Variants in CTDSPL observed in about 807,000 individuals in gnomAD.
CTDSPL encodes the protein CTD small phosphatase like, also known as CTD small phosphatase-like protein.
A neutral mutation model predicts 30.5 loss-of-function variants in CTDSPL; 8 were observed. That is an observed-to-expected ratio of 0.26 (90% confidence interval 0.15 to 0.47). The LOEUF (loss-of-function observed/expected upper bound fraction) is 0.47. CTDSPL is among the 20% of genes least tolerant of loss of function. CTDSPL has a pLI of 0.99. For missense variants in CTDSPL, 248 were observed against 366.1 expected, an observed-to-expected ratio of 0.68 and a Z score of 2.63; for synonymous variants, 110 against 137.9, an observed-to-expected ratio of 0.80 and a Z score of 1.42.
intron 1 of CTDSPL, among the ~76,000 whole-genome samples, chr3:37,881,623 G>A (rs1698205162): frequency 6.6e-6 from 1 of 152,080 alleles, no homozygotes; most frequent in Non-Finnish European, 1.5e-5. Context: ...CTACTAACAT[G>A]GCTAAAACTA....
chr3:37,956,845 G>A (rs145519634), intron 2 of CTDSPL, among the ~76,000 whole-genome samples: 289 of 152,298 alleles, frequency 1.9e-3, no homozygotes, highest in African/African-American at 6.5e-3. Flanking sequence ...TGGGAGTAAG[G>A]GAGGTGCTAT....
intron 1 of CTDSPL, among the ~76,000 whole-genome samples, chr3:37,926,561 C>T (rs1698783850): frequency 6.6e-6 from 1 of 152,106 alleles, no homozygotes; most frequent in African/African-American, 2.4e-5. Context: ...GGTTTGAGAG[C>T]AGACTGTAGA....
intron 1 of CTDSPL, among the ~76,000 whole-genome samples, chr3:37,886,561 TTG>T (rs1406767961): frequency 6.6e-6 from 1 of 152,180 alleles, no homozygotes; most frequent in Non-Finnish European, 1.5e-5. Context: ...TAGAGCTGAG[TTG>T]AACCTATTCC....
chr3:37,971,547 C>T (rs767435222), intron 6 of CTDSPL, 48 bp downstream of exon 6: 3 of 1,516,672 alleles, frequency 2.0e-6, no homozygotes, highest in Non-Finnish European at 2.7e-6. Context: ...TACTCCCAGC[C>T]CCTCCACCCC....
intron 1 of CTDSPL, among the ~76,000 whole-genome samples, chr3:37,919,249 G>A (rs1274120088): frequency 1.3e-5 from 2 of 152,128 alleles, no homozygotes; most frequent in Non-Finnish European, 2.9e-5. Flanking sequence ...ATAGACTCCT[G>A]GACTCTCTTG....
intron 1 of CTDSPL, among the ~76,000 whole-genome samples, chr3:37,900,179 A>T (rs915568018): frequency 1.3e-5 from 2 of 152,214 alleles, no homozygotes; most frequent in Non-Finnish European, 2.9e-5. Context: ...CATTCTTGAG[A>T]GGAAGGCTTG....
chr3:37,907,556 A>G lies in CTDSPL; in HGVS notation c.80-39501A>G, dbSNP rs904337213. ...GAGTGGAGGAGGTGAAGGAGAAAGG[A>G]TGAAAGAGTGACAGGCTGGGAGAGG... On this transcript the variant is annotated intron_variant, in intron 1 of 7. Coordinates refer to ENST00000273179, the MANE Select transcript of CTDSPL (RefSeq NM_001008392.2). Among the ~76,000 whole-genome samples, 4 of 152,190 alleles carry G rather than the reference A, an allele frequency of 2.6e-5. No individual in the cohort carries two copies. The South Asian group carries it at 8.3e-4, about 32-fold the overall frequency.
At chr3:37,925,595 ACT>A (rs1294249382) in intron 1 of CTDSPL, among the ~76,000 whole-genome samples, 1 of 151,974 alleles carries the variant, frequency 6.6e-6, no homozygotes, top group African/African-American at 2.4e-5. Flanking sequence ...TTGTTTTAAT[ACT>A]CTGCTGTTAC....
At chr3:37,964,400 G>A (rs1301655851) in intron 3 of CTDSPL, among the ~76,000 whole-genome samples, 171 bp from the exon 4 acceptor site, 2 of 152,180 alleles carry the variant, frequency 1.3e-5, no homozygotes, top group African/African-American at 2.4e-5. Flanking sequence ...CATTCAGATC[G>A]TGGCACCGTA....
chr3:37,862,252 G>T lies in CTDSPL; in HGVS notation c.53G>T (p.Gly18Val). Residue 18 changes from glycine to valine, a missense_variant, in exon 1 of 8, where the codon GGC (glycine) becomes GTC (valine). Physicochemically the swap from Gly to Val is moderately radical, Grantham distance 109 (BLOSUM62 -3). Around this residue, in one of 4 missense-constraint regions of CTDSPL, gnomAD observed 118 missense variants for 124.7 expected, o/e 0.95. Coordinates refer to ENST00000273179, the MANE Select transcript of CTDSPL (RefSeq NM_001008392.2). The surrounding 1 kb of genome is among the most constrained non-coding windows in gnomAD (Gnocchi z 4.3). The stretch of plus-strand genomic sequence containing the variant: ...GTGACCAACCCCAAGGAGGACGAGG[G>T]CCGGTTGCCGGGCGCGGGCGAGAAA... ...TQVTNPKEDE[G>V]RLPGAGEKAS... The T allele has an allele frequency of 6.7e-7, 1 of 1,494,910 alleles. No homozygotes were observed. Among genetic ancestry groups the T allele is most frequent in the Non-Finnish European group, 8.9e-7 (1 of 1,125,594 alleles). 92.6% of individuals were successfully genotyped at this position (1,494,910 alleles called of 1,614,324 possible). A position where few individuals can be genotyped will look rare whatever the true frequency, so the allele number is the denominator to read the frequency against.
chr3:37,862,295 G>A lies in CTDSPL; in HGVS notation c.79+17G>A. 6.7e-7 allele frequency: 1 copy of A among 1,481,694 alleles called. No homozygotes were observed. Among genetic ancestry groups the A allele is most frequent in the Non-Finnish European group, 8.9e-7 (1 of 1,119,114 alleles). 91.8% of individuals were successfully genotyped at this position (1,481,694 alleles called of 1,614,324 possible). A position where few individuals can be genotyped will look rare whatever the true frequency, so the allele number is the denominator to read the frequency against. The stretch of plus-strand genomic sequence containing the variant: ...GCGAGAAAGGTGAGGAGGGGCGCAG[G>A]CGGCCGCGGGCTGGGGGCGAGCGCA... On this transcript the variant is annotated intron_variant, in intron 1 of 7. Transcript: ENST00000273179. This position sits in a 1 kb window ranked among gnomAD's most constrained non-coding sequence, Gnocchi z 4.3.
intron 1 of CTDSPL, among the ~76,000 whole-genome samples, chr3:37,895,067 G>A (rs985777454): frequency 6.6e-6 from 1 of 151,982 alleles, no homozygotes; most frequent in African/African-American, 2.4e-5. Context: ...TTGAGGATGG[G>A]TTGCATTTTC....
At chr3:37,864,817 C>G (rs1368308342) in intron 1 of CTDSPL, among the ~76,000 whole-genome samples, 4 of 151,296 alleles carry the variant, frequency 2.6e-5, no homozygotes, top group Non-Finnish European at 5.9e-5. Flanking sequence ...AATATTGGGC[C>G]TGGAATATTT....
chr3:37,863,801 G>A (rs950722277), intron 1 of CTDSPL, among the ~76,000 whole-genome samples: 2 of 152,230 alleles, frequency 1.3e-5, no homozygotes, highest in African/African-American at 4.8e-5. Context: ...CCCTCAGGTT[G>A]GGCATTTGTC....
intron 1 of CTDSPL, among the ~76,000 whole-genome samples, chr3:37,928,062 G>A (rs776654431): frequency 5.3e-5 from 8 of 152,044 alleles, no homozygotes; most frequent in Non-Finnish European, 2.9e-5. Context: ...GCTGTGGCAC[G>A]TGTCAAAATT....
At chr3:37,882,180 C>T (rs1051963270) in intron 1 of CTDSPL, among the ~76,000 whole-genome samples, 5 of 152,030 alleles carry the variant, frequency 3.3e-5, no homozygotes, top group Admixed American at 3.3e-4. Flanking sequence ...CGGTGGCTCA[C>T]GCCTGTAATC....
chr3:37,948,683 TTCATATGGTCAA>T (rs1479452553), intron 2 of CTDSPL, among the ~76,000 whole-genome samples: 4 of 152,192 alleles, frequency 2.6e-5, no homozygotes, highest in African/African-American at 9.7e-5. Context: ...GCTGAAGGTT[TTCATATGGTCAA>T]ACATACGAAA....
intron 4 of CTDSPL, among the ~76,000 whole-genome samples, chr3:37,967,211 G>C (rs1416227653): frequency 6.6e-6 from 1 of 152,156 alleles, no homozygotes; most frequent in Non-Finnish European, 1.5e-5. Context: ...GTACTGGACT[G>C]GGGCCATGGG....
intron 1 of CTDSPL, among the ~76,000 whole-genome samples, chr3:37,939,705 CTT>C (rs1340981861): frequency 6.7e-6 from 1 of 148,546 alleles, no homozygotes; most frequent in African/African-American, 2.5e-5. Context: ...ATGTTTTGTG[CTT>C]TCTCTCACAC....
Sources: allele counts gnomAD v4.1 joint callset (sites outside exome capture counted in the v4.1 genomes callset), GRCh38; gene constraint gnomAD v4.1.1; regional missense constraint gnomAD v4.1.1; non-coding constraint Gnocchi (gnomAD v3.1); transcripts MANE v1.5; gene names NCBI Gene and HGNC (gene_info 2026-07-23, HGNC 2026-07-21).